The following HMGN5 variants were observed in gnomAD, a reference collection of about 807,000 sequenced individuals.
HMGN5 encodes high mobility group nucleosome-binding domain-containing protein 5.
In HMGN5, 4 loss-of-function variants were observed where a neutral mutation model predicts 9.5. That is an observed-to-expected ratio of 0.42 (90% CI 0.21 to 0.96). The LOEUF is 0.96. Among genes scored for constraint, HMGN5 ranks in the 40% least tolerant of loss-of-function variants. HMGN5 has a pLI of 0.30. For missense variants in HMGN5, 192 were observed against 187.5 expected, an observed-to-expected ratio of 1.02 and a Z score of -0.14; for synonymous variants, 55 against 57.1, an observed-to-expected ratio of 0.96 and a Z score of 0.16.
chrX:81,166,506 A>G (rs1279544927), intron 1 of HMGN5, among the ~76,000 whole-genome samples: 1 of 111,868 alleles, frequency 8.9e-6, no homozygotes, highest in East Asian at 2.8e-4. Flanking sequence ...ATGAATCACC[A>G]GATTCTAAGA....
intron 1 of HMGN5, among the ~76,000 whole-genome samples, chrX:81,150,371 C>T (rs958297100): frequency 1.8e-5 from 2 of 110,758 alleles, no homozygotes; most frequent in African/African-American, 6.6e-5. Flanking sequence ...TGAGACCAGC[C>T]TAGCCAACAT....
rs181878539 is a variant in HMGN5 at position 81,179,601 on chromosome X, T to C, written c.-124+22136A>G. ...TTCCATGCTCATGGATAGGAGGAATTAATATCGTGAAAGTGGCCATACTGC... is the reference window on the plus strand; with the variant it reads ...TTCCATGCTCATGGATAGGAGGAATCAATATCGTGAAAGTGGCCATACTGC... On this transcript the variant is annotated intron_variant, in intron 1 of 6. Transcript: ENST00000358130. Among the ~76,000 whole-genome samples, 17 of 111,633 alleles carry C rather than the reference T, an allele frequency of 1.5e-4. No individual in the cohort carries two copies. The East Asian group carries it at 4.5e-3, about 30-fold the overall frequency.
At chrX:81,159,715 C>T (rs748650295) in intron 1 of HMGN5, among the ~76,000 whole-genome samples, 1 of 109,639 alleles carries the variant, frequency 9.1e-6, no homozygotes, top group South Asian at 3.9e-4. Flanking sequence ...GAGACAGTGT[C>T]TCACTATGTT....
At chrX:81,117,766 C>T (rs1036718123) in intron 5 of HMGN5, among the ~76,000 whole-genome samples, 3 of 110,598 alleles carry the variant, frequency 2.7e-5, no homozygotes, top group African/African-American at 6.5e-5. Context: ...AACATAATGA[C>T]AGTTTATACT....
intron 1 of HMGN5, among the ~76,000 whole-genome samples, chrX:81,127,961 G>A (rs746609089): frequency 5.4e-5 from 6 of 111,074 alleles, no homozygotes; most frequent in African/African-American, 1.6e-4. Context: ...TAGAGTACAG[G>A]AAGGAAGAAA....
intron 1 of HMGN5, among the ~76,000 whole-genome samples, chrX:81,174,057 T>G (rs914940930): frequency 1.8e-5 from 2 of 111,357 alleles, no homozygotes; most frequent in Non-Finnish European, 3.8e-5. Flanking sequence ...ACAAAAGATA[T>G]TAATATTATC....
intron 1 of HMGN5, among the ~76,000 whole-genome samples, chrX:81,190,467 C>T (rs187976480): frequency 1.2e-4 from 13 of 111,096 alleles, no homozygotes; most frequent in African/African-American, 4.2e-4. Context: ...TTCTCACCTC[C>T]CAACCCCTCT....
intron 1 of HMGN5, among the ~76,000 whole-genome samples, chrX:81,180,212 T>C (rs2075457937): frequency 9.0e-6 from 1 of 111,328 alleles, no homozygotes; most frequent in African/African-American, 3.3e-5. Context: ...CGGGATCTAA[T>C]TAAACTAAAG....
rs138032482 is a variant in HMGN5 at position 81,150,289 on chromosome X, T to C, written c.-123-28617A>G. Among the ~76,000 whole-genome samples the C allele has an allele frequency of 7.2e-5, 8 of 111,611 alleles. No homozygotes were observed. The East Asian group carries it at 2.3e-3, about 31-fold the overall frequency. On this transcript the variant is annotated intron_variant, in intron 1 of 6. Transcript: ENST00000358130. ...GAACTGTAAAAACACATGTGCTGGGTGCGGTGGCTCACACCTGTAACCCCA... is the reference window on the plus strand; with the variant it reads ...GAACTGTAAAAACACATGTGCTGGGCGCGGTGGCTCACACCTGTAACCCCA...
intron 3 of HMGN5, among the ~76,000 whole-genome samples, 198 bp downstream of exon 3, chrX:81,119,587 TTTC>T (rs1218136946): frequency 8.9e-6 from 1 of 112,195 alleles, no homozygotes; most frequent in Non-Finnish European, 1.9e-5. Context: ...GAAAAAGCCT[TTTC>T]TTTTATTCTG....
chrX:81,118,649 T>C, intron 4 of HMGN5, 81 bp downstream of exon 4: 9 of 912,682 alleles, frequency 9.9e-6, no homozygotes, highest in Non-Finnish European at 1.2e-5. Context: ...AAATAAATCG[T>C]GTATTGAATA....
At chrX:81,116,116 T>G (rs1450899824) in intron 6 of HMGN5, 88 bp downstream of exon 6, 26 of 705,848 alleles carry the variant, frequency 3.7e-5, no homozygotes, top group African/African-American at 6.5e-5. Context: ...TTTTTCCAAC[T>G]TATAAACTAA....
intron 1 of HMGN5, among the ~76,000 whole-genome samples, chrX:81,153,196 C>A (rs910863001): frequency 9.2e-6 from 1 of 108,193 alleles, no homozygotes; most frequent in Non-Finnish European, 1.9e-5. Context: ...AGGCCAATAT[C>A]TCTCTTGAAT....
chrX:81,194,713 A>T (rs1261317572), intron 1 of HMGN5, among the ~76,000 whole-genome samples: 2 of 111,976 alleles, frequency 1.8e-5, no homozygotes, highest in African/African-American at 6.5e-5. Flanking sequence ...AAACATATTT[A>T]GTGACACCTC....
chrX:81,189,318 G>T (rs186411488), intron 1 of HMGN5, among the ~76,000 whole-genome samples: 1,255 of 110,856 alleles, frequency 0.011, 8 homozygotes, highest in Non-Finnish European at 0.017. Context: ...GTTTTTTATT[G>T]TTTTTTATTT....
intron 1 of HMGN5, among the ~76,000 whole-genome samples, chrX:81,138,719 T>C (rs1396226850): frequency 9.0e-6 from 1 of 111,471 alleles, no homozygotes; most frequent in Non-Finnish European, 1.9e-5. Context: ...ATGATATGAT[T>C]GTTTACATAG....
At chrX:81,159,988 T>C (rs1032809379) in intron 1 of HMGN5, among the ~76,000 whole-genome samples, 1 of 112,250 alleles carries the variant, frequency 8.9e-6, no homozygotes, top group Non-Finnish European at 1.9e-5. Context: ...ATTCAAATAT[T>C]TGTATGCAAT....
In HMGN5 at chrX:81,121,573, C is replaced by G. The variant is rs758074542; in HGVS notation, c.-24G>C. The G allele has an allele frequency of 8.6e-7, 1 of 1,157,571 alleles. No homozygotes were observed. The highest frequency in any genetic ancestry group is 2.8e-5 in the Admixed American group (1 of 35,988). ...ATTGTTGTAGCTCTCTATAGGAGAT[C>G]TTAGTCAGCAGAAAAAAAGCCGAAG... On this transcript the variant is annotated 5_prime_UTR_variant, in exon 2 of 7. Transcript: ENST00000358130.
In HMGN5 at chrX:81,174,958, G is replaced by A. The variant is rs781122494; in HGVS notation, c.-124+26779C>T. Among the ~76,000 whole-genome samples the A allele has an allele frequency of 3.6e-5, 4 of 111,113 alleles. No homozygotes were observed. The East Asian group carries it at 1.1e-3, about 31-fold the overall frequency. On this transcript the variant is annotated intron_variant, in intron 1 of 6. Coordinates refer to ENST00000358130, the MANE Select transcript of HMGN5 (RefSeq NM_030763.3). ...CATAATTCTCAAGCTGTACAAGGTA[G>A]GGGGGAACAACTTAGAATAAGTAGT...
Sources: allele counts gnomAD v4.1 joint callset (sites outside exome capture counted in the v4.1 genomes callset), GRCh38; gene constraint gnomAD v4.1.1; transcripts MANE v1.5; gene names NCBI Gene and HGNC (gene_info 2026-07-23, HGNC 2026-07-21).